LRRC69: variants seen among roughly 807,000 people sequenced by gnomAD.
The protein encoded by LRRC69 is leucine rich repeat containing 69.
In LRRC69, 42 loss-of-function variants were observed where a neutral mutation model predicts 37.8. The ratio of observed to expected loss-of-function variants is 1.11; its 90% CI spans 0.87 to 1.44. LRRC69 has a LOEUF of 1.44. Ranked by LOEUF, LRRC69 falls within the 40% of genes most tolerant of loss-of-function variation. The pLI, the probability that LRRC69 is intolerant of heterozygous loss-of-function variation, is 0.00. For synonymous variants in LRRC69, 141 were observed against 143.1 expected (o/e 0.99, Z 0.11); for missense variants, 357 against 401.9 (o/e 0.89, Z 0.96).
chr8:91,218,094 A>G (rs1192730174), intron 7 of LRRC69, among the ~76,000 whole-genome samples: 1 of 152,136 alleles, frequency 6.6e-6, no homozygotes, highest in Admixed American at 6.6e-5. Flanking sequence ...ACAGCAATCA[A>G]ATCTCTCATT....
chr8:91,108,226 T>C (rs750655351), intron 1 of LRRC69, among the ~76,000 whole-genome samples: 5 of 152,046 alleles, frequency 3.3e-5, no homozygotes, highest in Non-Finnish European at 7.4e-5. Flanking sequence ...AACTTACTAA[T>C]TGTGTCCTTA....
chr8:91,117,957 A>G (rs1345894275), intron 1 of LRRC69, among the ~76,000 whole-genome samples: 1 of 151,834 alleles, frequency 6.6e-6, no homozygotes, highest in Admixed American at 6.6e-5. Context: ...AAATGGAAAA[A>G]ATTTAGAGGG....
At chr8:91,191,024 G>A (rs1283342323) in intron 6 of LRRC69, among the ~76,000 whole-genome samples, 1 of 143,892 alleles carries the variant, frequency 6.9e-6, no homozygotes, top group Non-Finnish European at 1.5e-5. Context: ...GGGTGACAGA[G>A]CAGGATCCTG....
chr8:91,211,715 C>T (rs1424961372), intron 7 of LRRC69, among the ~76,000 whole-genome samples: 1 of 150,362 alleles, frequency 6.7e-6, no homozygotes, highest in Non-Finnish European at 1.5e-5. Flanking sequence ...AGACTGCTGA[C>T]CTTTAGAGCA....
chr8:91,154,941 T>C (rs1056112899), intron 5 of LRRC69, among the ~76,000 whole-genome samples: 1 of 151,672 alleles, frequency 6.6e-6, no homozygotes, highest in Non-Finnish European at 1.5e-5. Flanking sequence ...TTGTCTCTGT[T>C]TGCAGATGAC....
intron 1 of LRRC69, among the ~76,000 whole-genome samples, chr8:91,104,339 C>T (rs1813270918): frequency 6.6e-6 from 1 of 151,910 alleles, no homozygotes; most frequent in South Asian, 2.1e-4. Flanking sequence ...GCTTTTATAT[C>T]CTATTCAGTT....
chr8:91,191,573 C>T (rs917331807), intron 6 of LRRC69, among the ~76,000 whole-genome samples: 22 of 152,188 alleles, frequency 1.4e-4, no homozygotes, highest in South Asian at 4.2e-4. Context: ...GGGACAATGA[C>T]GCCAACTTAA....
chr8:91,190,872 G>C (rs201658338), intron 6 of LRRC69, among the ~76,000 whole-genome samples: 1 of 152,018 alleles, frequency 6.6e-6, no homozygotes, highest in Non-Finnish European at 1.5e-5. Context: ...CTGGCCAACA[G>C]AGTGAGACCC....
intron 7 of LRRC69, chr8:91,206,731 A>G (rs1201890005): frequency 1.7e-5 from 22 of 1,289,632 alleles, no homozygotes; most frequent in Non-Finnish European, 2.2e-5. Flanking sequence ...GCCAGAATTT[A>G]TTTGGTACTG....
intron 2 of LRRC69, among the ~76,000 whole-genome samples, chr8:91,126,414 A>C (rs149167563): frequency 1.3e-5 from 2 of 152,122 alleles, no homozygotes; most frequent in Admixed American, 6.6e-5. Flanking sequence ...TTAGGTGCCC[A>C]TGTTTTCAAA....
intron 6 of LRRC69, among the ~76,000 whole-genome samples, chr8:91,191,755 C>A (rs1038987219): frequency 3.3e-5 from 5 of 152,120 alleles, no homozygotes; most frequent in African/African-American, 9.7e-5. Flanking sequence ...CCTTCAAGGA[C>A]AAGAACCTTG....
At chr8:91,151,361 A>G (rs1808733938) in intron 5 of LRRC69, among the ~76,000 whole-genome samples, 1 of 150,884 alleles carries the variant, frequency 6.6e-6, no homozygotes, top group African/African-American at 2.4e-5. Context: ...GTCATTCAGG[A>G]GCAGGTTGTT....
At chr8:91,145,942 G>A (rs1808611733) in intron 5 of LRRC69, among the ~76,000 whole-genome samples, 1 of 151,834 alleles carries the variant, frequency 6.6e-6, no homozygotes, top group Non-Finnish European at 1.5e-5. Context: ...TGATGCAATG[G>A]TGATTTTGTT....
At chr8:91,161,638 T>C (rs1382130171) in intron 5 of LRRC69, among the ~76,000 whole-genome samples, 1 of 151,406 alleles carries the variant, frequency 6.6e-6, no homozygotes, top group Non-Finnish European at 1.5e-5. Context: ...TTAATGTGTC[T>C]CCTTTTTCAT....
At chr8:91,146,701 T>G (rs1808625740) in intron 5 of LRRC69, among the ~76,000 whole-genome samples, 1 of 151,784 alleles carries the variant, frequency 6.6e-6, no homozygotes, top group Non-Finnish European at 1.5e-5. Context: ...TAGATATGGA[T>G]TTTACATAAC....
chr8:91,183,624 A>G (rs1339462863), intron 5 of LRRC69, among the ~76,000 whole-genome samples: 2 of 151,632 alleles, frequency 1.3e-5, no homozygotes, highest in African/African-American at 4.9e-5. Context: ...TAAAAAAAAA[A>G]AGAAGAAGAT....
At chr8:91,150,320 T>G (rs1808709181) in intron 5 of LRRC69, among the ~76,000 whole-genome samples, 1 of 151,888 alleles carries the variant, frequency 6.6e-6, no homozygotes, top group African/African-American at 2.4e-5. Context: ...GTCAAAGGCC[T>G]TTTCTGCATC....
intron 7 of LRRC69, among the ~76,000 whole-genome samples, chr8:91,214,391 T>C (rs548273827): frequency 3.9e-5 from 6 of 152,320 alleles, no homozygotes; most frequent in African/African-American, 1.4e-4. Flanking sequence ...AATATACTTC[T>C]TCAGTATGTT....
At chr8:91,149,073 A>T (rs536201516) in intron 5 of LRRC69, among the ~76,000 whole-genome samples, 65 of 151,490 alleles carry the variant, frequency 4.3e-4, no homozygotes, top group Non-Finnish European at 7.7e-4. Context: ...GCTGTGCAGA[A>T]GCTCTTTAGT....
Sources: gnomAD v4.1 joint callset for allele counts (sites outside exome capture counted in the v4.1 genomes callset) on GRCh38, gnomAD v4.1.1 for gene constraint, MANE v1.5 for transcripts, NCBI Gene and HGNC (gene_info 2026-07-23, HGNC 2026-07-21) for gene names.